Variants in NKAIN2 observed in about 807,000 individuals in gnomAD.
NKAIN2 encodes sodium/potassium transporting ATPase interacting 2.
NKAIN2 carries 14 observed loss-of-function variants against 32.6 expected under a neutral mutation model. The ratio of observed to expected loss-of-function variants is 0.43; its 90% CI spans 0.28 to 0.67. The LOEUF is 0.67. Ranked by LOEUF, NKAIN2 falls within the 30% of genes least tolerant of loss-of-function variation. The pLI, the probability that NKAIN2 is intolerant of heterozygous loss-of-function variation, is 0.17. For synonymous variants in NKAIN2, 80 were observed against 87.2 expected (o/e 0.92, Z 0.46); for missense variants, 198 against 258.3 (o/e 0.77, Z 1.60).
In NKAIN2 at chr6:123,992,492, A is replaced by G. The variant is rs561687806; in HGVS notation, c.54+188238A>G. Among the ~76,000 whole-genome samples, 35 of 152,352 alleles carry G rather than the reference A, an allele frequency of 2.3e-4. 1 individual carries two copies. The South Asian group carries it at 6.6e-3, about 29-fold the overall frequency. The stretch of plus-strand genomic sequence containing the variant: ...TAGAATGAATGGATGAAAGTATTAA[A>G]GTGTAAAATTGAGTCCTCTTGAAGG... On this transcript the variant is annotated intron_variant, in intron 1 of 6. Coordinates refer to ENST00000368417, the MANE Select transcript of NKAIN2 (RefSeq NM_001040214.3).
At chr6:124,273,836 C>T in intron 1 of NKAIN2, among the ~76,000 whole-genome samples, 1 of 152,172 alleles carries the variant, frequency 6.6e-6, no homozygotes, top group Non-Finnish European at 1.5e-5. Context: ...ATTGGAAATT[C>T]AAGGTTAAAT....
rs545632230 is a variant in NKAIN2 at position 124,060,922 on chromosome 6, G to T, written c.55-222083G>T. ...GCAATGGAAAAATACTACAATACGA[G>T]AAAAAATGATGGATAAAAAAAGAGC... is the stretch of plus-strand genomic sequence containing the variant. On this transcript the variant is annotated intron_variant, in intron 1 of 6. Transcript: ENST00000368417. Among the ~76,000 whole-genome samples the T allele has an allele frequency of 2.0e-5, 3 of 151,962 alleles. No individual in the cohort carries two copies. The South Asian group carries it at 6.2e-4, about 32-fold the overall frequency.
chr6:123,983,160 G>T (rs1778977879), intron 1 of NKAIN2, among the ~76,000 whole-genome samples: 1 of 152,118 alleles, frequency 6.6e-6, no homozygotes, highest in African/African-American at 2.4e-5. Context: ...TTTGCAGCAA[G>T]GAATAAAATG....
At chr6:123,903,581 T>G (rs1256859851) in intron 1 of NKAIN2, among the ~76,000 whole-genome samples, 1 of 152,200 alleles carries the variant, frequency 6.6e-6, no homozygotes, top group African/African-American at 2.4e-5. Context: ...TATTTCTCTC[T>G]TTTCCAAACT....
At position 123,958,545 on chromosome 6, in the gene NKAIN2, C is replaced by T. The variant is rs138826404; in HGVS notation, c.54+154291C>T. Among the ~76,000 whole-genome samples the T allele has an allele frequency of 1.6e-4, 25 of 152,344 alleles. No individual in the cohort carries two copies. In the East Asian group the frequency reaches 4.4e-3, roughly 27 times the overall value. Reference sequence around the variant, plus strand: ...TTCCCTCAAGCCTCTTTTAAAAGGACGCTAATCTCATTCTTGAGGGGTCTG... The same window carrying T: ...TTCCCTCAAGCCTCTTTTAAAAGGATGCTAATCTCATTCTTGAGGGGTCTG... On this transcript the variant is annotated intron_variant, in intron 1 of 6. Transcript: ENST00000368417.
At chr6:124,706,846 T>C (rs900845718) in intron 4 of NKAIN2, among the ~76,000 whole-genome samples, 19 of 152,212 alleles carry the variant, frequency 1.2e-4, no homozygotes, top group Non-Finnish European at 2.2e-4. Context: ...TGGTTTTATT[T>C]TTTTTTTATT....
At chr6:124,121,055 A>G (rs780246998) in intron 1 of NKAIN2, among the ~76,000 whole-genome samples, 1 of 152,152 alleles carries the variant, frequency 6.6e-6, no homozygotes, top group African/African-American at 2.4e-5. Context: ...GATCAATAAA[A>G]GCTAAACCGA....
chr6:124,080,745 C>T (rs200676655), intron 1 of NKAIN2, among the ~76,000 whole-genome samples: 1 of 151,322 alleles, frequency 6.6e-6, no homozygotes, highest in Non-Finnish European at 1.5e-5. Flanking sequence ...CACTCCCCCC[C>T]TCCAAGATCT....
intron 2 of NKAIN2, among the ~76,000 whole-genome samples, chr6:124,317,970 G>C (rs1459835315): frequency 6.6e-6 from 1 of 151,860 alleles, no homozygotes; most frequent in Non-Finnish European, 1.5e-5. Flanking sequence ...GATTTGTTCT[G>C]ATCATCCTTA....
At chr6:124,686,204 C>G (rs528329755) in intron 4 of NKAIN2, among the ~76,000 whole-genome samples, 24 of 152,286 alleles carry the variant, frequency 1.6e-4, no homozygotes, top group African/African-American at 5.5e-4. Flanking sequence ...TTCTTGACAT[C>G]TGCAAGCAAG....
At chr6:124,747,554 G>T (rs1010688478) in intron 4 of NKAIN2, among the ~76,000 whole-genome samples, 1 of 151,838 alleles carries the variant, frequency 6.6e-6, no homozygotes, top group Admixed American at 6.6e-5. Flanking sequence ...AGCTGTAAAC[G>T]TGCCAGGAAA....
intron 1 of NKAIN2, among the ~76,000 whole-genome samples, chr6:123,981,357 C>A (rs1037167912): frequency 6.6e-6 from 1 of 152,070 alleles, no homozygotes; most frequent in Non-Finnish European, 1.5e-5. Flanking sequence ...AGCATCATAC[C>A]TCCAATGGAA....
At chr6:124,417,489 CTTATTTAT>C (rs10569310) in intron 3 of NKAIN2, among the ~76,000 whole-genome samples, 58 of 151,258 alleles carry the variant, frequency 3.8e-4, no homozygotes, top group Admixed American at 1.5e-3. Flanking sequence ...GCTAATCTTG[CTTATTTAT>C]TTATTTATTT....
chr6:123,959,062 C>T (rs552702648), intron 1 of NKAIN2, among the ~76,000 whole-genome samples: 8 of 152,074 alleles, frequency 5.3e-5, no homozygotes, highest in Admixed American at 3.3e-4. Context: ...GGCTAAGGAC[C>T]GGGAGAAGAT....
At chr6:124,032,437 T>C (rs1299063090) in intron 1 of NKAIN2, among the ~76,000 whole-genome samples, 1 of 152,150 alleles carries the variant, frequency 6.6e-6, no homozygotes, top group Non-Finnish European at 1.5e-5. Context: ...TGAACCCATC[T>C]TTTTAAACAT....
At chr6:123,914,754 A>G (rs1431331363) in intron 1 of NKAIN2, among the ~76,000 whole-genome samples, 2 of 152,186 alleles carry the variant, frequency 1.3e-5, no homozygotes, top group East Asian at 3.9e-4. Context: ...CAAAAAGAGT[A>G]GAGATATTTT....
intron 1 of NKAIN2, among the ~76,000 whole-genome samples, chr6:124,249,799 A>G (rs781372456): frequency 2.0e-5 from 3 of 152,082 alleles, no homozygotes; most frequent in Non-Finnish European, 4.4e-5. Context: ...ACAGAAGTTA[A>G]AACTTAGAGC....
At chr6:124,695,218 T>C (rs1390004040) in intron 4 of NKAIN2, among the ~76,000 whole-genome samples, 1 of 151,100 alleles carries the variant, frequency 6.6e-6, no homozygotes, top group East Asian at 1.9e-4. Flanking sequence ...TCAATATGGA[T>C]GATACCTTGT....
chr6:124,295,790 G>T (rs1796022939), intron 2 of NKAIN2, among the ~76,000 whole-genome samples: 1 of 151,976 alleles, frequency 6.6e-6, no homozygotes, highest in African/African-American at 2.4e-5. Context: ...CATCTATAAT[G>T]CTCCTGGAAA....
Sources: allele counts gnomAD v4.1 joint callset (sites outside exome capture counted in the v4.1 genomes callset), GRCh38; gene constraint gnomAD v4.1.1; transcripts MANE v1.5; gene names NCBI Gene and HGNC (gene_info 2026-07-23, HGNC 2026-07-21).